The following URB2 variants were observed in gnomAD, a reference collection of about 807,000 sequenced individuals.
URB2 encodes the protein URB2 ribosome biogenesis homolog.
A neutral mutation model predicts 120.9 loss-of-function variants in URB2; 86 were observed. The ratio of observed to expected loss-of-function variants is 0.71; its 90% CI spans 0.60 to 0.85. The LOEUF is 0.85. Among genes scored for constraint, URB2 ranks in the 40% least tolerant of loss-of-function variants. The pLI, the probability that URB2 is intolerant of heterozygous loss-of-function variation, is 0.00. For synonymous variants in URB2, 755 were observed against 758.4 expected (o/e 1.00, Z 0.07); for missense variants, 1,765 against 1,836.5 (o/e 0.96, Z 0.71).
At position 229,639,329 on chromosome 1, in the gene URB2, T is replaced by G. The variant is rs1308322465; in HGVS notation, c.3634+1082T>G. Among the ~76,000 whole-genome samples, 11 of 146,366 alleles carry G rather than the reference T, an allele frequency of 7.5e-5. No individual in the cohort carries two copies. In the Admixed American group the frequency reaches 8.2e-4, roughly 11 times the overall value. ...ATAAATTAAAAAAAGTACAAATCAC[T>G]TAATTTCTTTTTTTTTTTTTTTTGA... On this transcript the variant is annotated intron_variant, in intron 4 of 9. Transcript: ENST00000258243.
chr1:229,644,946 A>T (rs1276669635), intron 5 of URB2, among the ~76,000 whole-genome samples: 1 of 151,880 alleles, frequency 6.6e-6, no homozygotes, highest in Non-Finnish European at 1.5e-5. Context: ...TGGTCTTATT[A>T]TGTAAAATAC....
intron 2 of URB2, among the ~76,000 whole-genome samples, chr1:229,628,209 T>A (rs567702685): frequency 1.4e-5 from 2 of 143,574 alleles, no homozygotes; most frequent in South Asian, 2.1e-4. Context: ...GTATATATAT[T>A]ATACATATAC....
Position 229,627,768 on chromosome 1 carries a change from A to C in URB2, c.126+9A>C. On this transcript the variant is annotated intron_variant, in intron 2 of 9. Coordinates refer to ENST00000258243, the MANE Select transcript of URB2 (RefSeq NM_014777.4). ...TTCCAAATAAAGAACAAGTAAGTTT[A>C]ATGTGAAACTCATATTTTTACAGTC... 1 of 1,601,988 alleles carries C rather than the reference A, an allele frequency of 6.2e-7. No individual in the cohort carries two copies. Among genetic ancestry groups the C allele is most frequent in the Non-Finnish European group, 8.5e-7 (1 of 1,174,422 alleles).
At chr1:229,644,330 T>C (rs918232481) in intron 5 of URB2, among the ~76,000 whole-genome samples, 8 of 152,232 alleles carry the variant, frequency 5.3e-5, no homozygotes, top group African/African-American at 1.9e-4. Flanking sequence ...GCCTCATGAA[T>C]GGCTTATTGA....
In URB2 at chr1:229,637,970, C is replaced by G. The variant is rs762858896; in HGVS notation, c.3357C>G (p.Ser1119=). 6.2e-7 allele frequency: 1 copy of G among 1,613,542 alleles called. No homozygotes were observed. Among genetic ancestry groups the G allele is most frequent in the Non-Finnish European group, 8.5e-7 (1 of 1,179,850 alleles). ...GWRLPSVLIS[S]VSTLLEADLG... is the part of the protein sequence containing the mutation. ...GCCTTCCCTCGGTCCTCATCTCATCCGTCAGCACGCTCTTGGAAGCCGACC... is the reference window on the plus strand; with the variant it reads ...GCCTTCCCTCGGTCCTCATCTCATCGGTCAGCACGCTCTTGGAAGCCGACC... Residue 1119 remains serine (S), a synonymous_variant, in exon 4 of 10, where the codon TCC becomes TCG. Transcript: ENST00000258243.
At chr1:229,634,835 T>C (rs1047572126) in intron 3 of URB2, 82 bp from the exon 4 acceptor site, 29 of 1,292,646 alleles carry the variant, frequency 2.2e-5, no homozygotes, top group Non-Finnish European at 2.9e-5. Context: ...GGTGAGTTTG[T>C]TGATTTTTTT....
intron 1 of URB2, among the ~76,000 whole-genome samples, chr1:229,626,973 A>G (rs1441324353): frequency 6.6e-6 from 1 of 152,162 alleles, no homozygotes; most frequent in African/African-American, 2.4e-5. Context: ...CTCAAAGCCA[A>G]GTTTACCCAG....
Position 229,637,793 on chromosome 1 carries a change from AAC to A in URB2, c.3181_3182del (p.Thr1061GlnfsTer25). 6.2e-7 allele frequency: 1 copy of A among 1,613,966 alleles called. No homozygotes were observed. Among genetic ancestry groups the A allele is most frequent in the Non-Finnish European group, 8.5e-7 (1 of 1,180,004 alleles). ...QGRQLLLVSLTRLCHVLGPFL... is the reference protein window; with the variant it reads ...QGRQLLLVSLXRLCHVLGPFL... ...GCAGGCAGCTCCTTCTGGTGTCTTT[AAC>A]CAGGTTGTGCCATGTCCTGGGACCT... On this transcript the variant is annotated frameshift_variant, in exon 4 of 10. Coordinates refer to ENST00000258243, the MANE Select transcript of URB2 (RefSeq NM_014777.4). LOFTEE classifies it high-confidence loss of function.
In URB2 at chr1:229,638,024, C is replaced by G; in HGVS notation, c.3411C>G (p.Ala1137=). The change falls in exon 4 of 10, where the codon GCC becomes GCG. Residue 1137 remains alanine (A), a synonymous_variant. Transcript: ENST00000258243. ...DLGQHCRDGG[A]DISQGSDRTL... ...GTCAGCACTGCAGGGATGGAGGGGC[C>G]GACATTTCCCAAGGAAGCGACAGGA... 1 of 1,612,960 alleles carries G rather than the reference C, an allele frequency of 6.2e-7. No homozygotes were observed. Among genetic ancestry groups the G allele is most frequent in the African/African-American group, 1.3e-5 (1 of 75,034 alleles).
intron 6 of URB2, 45 bp from the exon 7 acceptor site, chr1:229,647,465 T>C: frequency 6.3e-7 from 1 of 1,590,450 alleles, no homozygotes; most frequent in Non-Finnish European, 8.6e-7. Context: ...GTTATTTCCT[T>C]GGGGAATTAC....
At position 229,647,764 on chromosome 1, in the gene URB2, G is replaced by T. The variant is rs1666187620; in HGVS notation, c.4149+12G>T. 1.2e-6 allele frequency: 2 copies of T among 1,606,542 alleles called. No homozygotes were observed. The highest frequency in any genetic ancestry group is 1.7e-5 in the Admixed American group (1 of 59,878). The stretch of plus-strand genomic sequence containing the variant: ...AGTGTCACCCTAAGGTGAGAAGGAG[G>T]GTGAGAGTGGCAGGCAGCTTTTCCT... On this transcript the variant is annotated intron_variant, in intron 7 of 9. Coordinates refer to ENST00000258243, the MANE Select transcript of URB2 (RefSeq NM_014777.4).
Position 229,637,470 on chromosome 1 carries a change from CA to C in URB2, c.2861del (p.Lys954ArgfsTer22). 6.2e-7 allele frequency: 1 copy of C among 1,614,126 alleles called. No individual in the cohort carries two copies. Among genetic ancestry groups the C allele is most frequent in the Non-Finnish European group, 8.5e-7 (1 of 1,180,048 alleles). ...TTGCTACCAACTTCTTGGTTACTTG[CA>C]AAAGGGGAAAAGTGCTCGCTCTGTG... ...TTCYQLLGYL[Q>X]KGKSARSVFK... On this transcript the variant is annotated frameshift_variant, in exon 4 of 10. Coordinates refer to ENST00000258243, the MANE Select transcript of URB2 (RefSeq NM_014777.4). LOFTEE classifies it high-confidence loss of function.
At chr1:229,654,773 G>T (rs113291170) in intron 9 of URB2, among the ~76,000 whole-genome samples, 1,642 of 152,250 alleles carry the variant, frequency 0.011, 29 homozygotes, top group African/African-American at 0.037. Flanking sequence ...GTCCTGTCTA[G>T]TTCAAGGTGT....
At chr1:229,656,211 G>A (rs1367483525) in intron 9 of URB2, among the ~76,000 whole-genome samples, 1 of 152,166 alleles carries the variant, frequency 6.6e-6, no homozygotes. Context: ...GTAAGCTTTT[G>A]ATGAAAGAAA....
chr1:229,634,867 T>C (rs577667903), intron 3 of URB2, 50 bp from the exon 4 acceptor site: 2 of 1,442,942 alleles, frequency 1.4e-6, no homozygotes, highest in South Asian at 1.7e-5. Context: ...TTCTTGTGTA[T>C]GTATGGGTTT....
intron 3 of URB2, among the ~76,000 whole-genome samples, chr1:229,633,196 G>A (rs1665714133): frequency 6.6e-6 from 1 of 150,496 alleles, no homozygotes; most frequent in Non-Finnish European, 1.5e-5. Flanking sequence ...GCTAGTAACG[G>A]AGGGGAACGA....
intron 3 of URB2, among the ~76,000 whole-genome samples, chr1:229,632,816 T>C (rs1300609318): frequency 3.3e-5 from 5 of 151,188 alleles, no homozygotes; most frequent in African/African-American, 1.2e-4. Flanking sequence ...CAAAGGTTTT[T>C]TTTTTTTTTT....
intron 4 of URB2, 42 bp from the exon 5 acceptor site, chr1:229,643,491 C>G (rs768895174): frequency 6.2e-7 from 1 of 1,611,364 alleles, no homozygotes; most frequent in East Asian, 2.2e-5. Flanking sequence ...TAGTTTATTT[C>G]ACCTGTCACA....
At position 229,637,938 on chromosome 1, in the gene URB2, G is replaced by C. The variant is rs776441138; in HGVS notation, c.3325G>C (p.Gly1109Arg). The C allele has an allele frequency of 1.3e-5, 21 of 1,613,164 alleles. No homozygotes were observed. Among genetic ancestry groups the C allele is most frequent in the Non-Finnish European group, 1.8e-5 (21 of 1,179,682 alleles). Residue 1109 changes from glycine to arginine, a missense_variant, in exon 4 of 10, where the codon GGC (glycine) becomes CGC (arginine). Transcript: ENST00000258243. ...GCTCTGCTCAGTGCCGGGGGCCCGG[G>C]GCTGGCGCCTTCCCTCGGTCCTCAT... is the stretch of plus-strand genomic sequence containing the variant. ...LQLCSVPGAR[G>R]WRLPSVLISS...
Sources: allele counts gnomAD v4.1 joint callset (sites outside exome capture counted in the v4.1 genomes callset), GRCh38; gene constraint gnomAD v4.1.1; transcripts MANE v1.5; gene names NCBI Gene and HGNC (gene_info 2026-07-23, HGNC 2026-07-21).